Variants in PALS1 observed in about 807,000 individuals in gnomAD.
The protein encoded by PALS1 is protein PALS1.
PALS1 carries 31 observed loss-of-function variants against 78.9 expected under a neutral mutation model. The observed-to-expected ratio is 0.39, with a 90% CI of 0.30 to 0.53. The LOEUF (loss-of-function observed/expected upper bound fraction) is 0.53. PALS1 is among the 20% of genes least tolerant of loss of function. PALS1 has a pLI of 0.67. For missense variants in PALS1, 704 were observed against 826.5 expected (o/e 0.85, Z 1.82); for synonymous variants, 276 against 270.9 (o/e 1.02, Z -0.18).
intron 1 of PALS1, among the ~76,000 whole-genome samples, chr14:67,266,812 A>G (rs10150612): frequency 0.08 from 12,139 of 152,134 alleles, 1,152 homozygotes; most frequent in African/African-American, 0.23. Flanking sequence ...TATCTTTTAA[A>G]AAAACTTCGT....
chr14:67,301,307 C>T, intron 4 of PALS1, 82 bp from the exon 5 acceptor site: 1 of 668,098 alleles, frequency 1.5e-6, no homozygotes, highest in Non-Finnish European at 2.4e-6. Flanking sequence ...TTAATTTGTA[C>T]TTAAAAAATA....
intron 9 of PALS1, among the ~76,000 whole-genome samples, chr14:67,314,445 T>C (rs1884306282): frequency 6.6e-6 from 1 of 152,246 alleles, no homozygotes; most frequent in Admixed American, 6.5e-5. Context: ...ATTTTGTCTA[T>C]ATCAGTCATA....
Position 67,321,275 on chromosome 14 carries a change from TG to T in PALS1, c.1740+17del. ...TCGTACACAGGTAAAGCTAGAACTT[TG>T]TTTTAGGGTTTGAACTTAGAAGGAA... On this transcript the variant is annotated intron_variant, in intron 13 of 14. Coordinates refer to ENST00000261681, the MANE Select transcript of PALS1 (RefSeq NM_022474.4). The T allele has an allele frequency of 6.2e-7, 1 of 1,612,838 alleles. No homozygotes were observed. The highest frequency in any genetic ancestry group is 8.5e-7 in the Non-Finnish European group (1 of 1,178,978).
intron 3 of PALS1, among the ~76,000 whole-genome samples, chr14:67,280,263 T>G (rs564684088): frequency 3.3e-5 from 5 of 152,224 alleles, no homozygotes; most frequent in Admixed American, 1.3e-4. Context: ...ATCATTGAAT[T>G]TACTGCCTGC....
At chr14:67,317,522 G>C (rs2085195499) in intron 11 of PALS1, 43 bp downstream of exon 11, 3 of 1,407,460 alleles carry the variant, frequency 2.1e-6, no homozygotes, top group Non-Finnish European at 3.0e-6. Context: ...TATCTGAAAG[G>C]AGTCTAAACC....
intron 3 of PALS1, among the ~76,000 whole-genome samples, chr14:67,280,850 T>TC (rs1567518312): frequency 0.012 from 1,478 of 119,826 alleles, 15 homozygotes; most frequent in African/African-American, 0.019. Flanking sequence ...CTTCCTTCCT[T>TC]CCTTCCCTCC....
chr14:67,314,106 CAGA>C (rs1360777702), intron 9 of PALS1, among the ~76,000 whole-genome samples: 1 of 151,756 alleles, frequency 6.6e-6, no homozygotes, highest in East Asian at 1.9e-4. Flanking sequence ...CTACTCACAC[CAGA>C]AGATTTTAAG....
intron 9 of PALS1, 52 bp from the exon 10 acceptor site, chr14:67,316,780 C>A: frequency 6.9e-7 from 1 of 1,459,478 alleles, no homozygotes; most frequent in Non-Finnish European, 9.3e-7. Flanking sequence ...AAAAAAAATT[C>A]TTATCCTTTT....
chr14:67,250,561 C>T (rs903556059), intron 1 of PALS1, among the ~76,000 whole-genome samples: 6 of 152,142 alleles, frequency 3.9e-5, no homozygotes, highest in African/African-American at 1.2e-4. Flanking sequence ...TTTTGTGATT[C>T]TGATAGTCAT....
intron 3 of PALS1, among the ~76,000 whole-genome samples, chr14:67,286,005 AGAG>A (rs1386004999): frequency 2.0e-5 from 3 of 152,218 alleles, no homozygotes; most frequent in Non-Finnish European, 2.9e-5. Flanking sequence ...GTGAAATATT[AGAG>A]AAGATGGGAG....
At chr14:67,271,548 A>T (rs1424365481) in intron 2 of PALS1, 1 of 152,248 alleles carries the variant, frequency 6.6e-6, no homozygotes, top group African/African-American at 2.4e-5. Context: ...AGGATTCCAG[A>T]GGACAGTGTA....
chr14:67,283,934 G>T (rs919777014), intron 3 of PALS1, among the ~76,000 whole-genome samples: 3 of 152,116 alleles, frequency 2.0e-5, no homozygotes, highest in African/African-American at 7.2e-5. Context: ...AAATGTATGC[G>T]GTAGCTGCAT....
chr14:67,259,324 G>C (rs556934950), intron 1 of PALS1, among the ~76,000 whole-genome samples: 228 of 152,022 alleles, frequency 1.5e-3, no homozygotes, highest in African/African-American at 5.2e-3. Flanking sequence ...AAGTGAGTAA[G>C]GCCAGGCTGG....
Position 67,317,413 on chromosome 14 carries a change from CTG to C in PALS1, c.1306_1307del (p.Trp436ValfsTer6), listed in dbSNP as rs752242510. 5 of 1,610,320 alleles carry C rather than the reference CTG, an allele frequency of 3.1e-6. No homozygotes were observed. The highest frequency in any genetic ancestry group is 1.1e-5 in the South Asian group (1 of 90,406). On this transcript the variant is annotated frameshift_variant, in exon 11 of 15. Coordinates refer to ENST00000261681, the MANE Select transcript of PALS1 (RefSeq NM_022474.4). LOFTEE classifies it high-confidence loss of function. Reference protein sequence around the residue: ...EDKEPEKSGKLWCAKKNKKKR... With the variant: ...EDKEPEKSGKXWCAKKNKKKR... ...TGTTTATGATTGCTCAACAGGAAAA[CTG>C]TGGTGTGCAAAGAAGAATAAAAAGA... is the stretch of plus-strand genomic sequence containing the variant.
intron 9 of PALS1, among the ~76,000 whole-genome samples, chr14:67,315,609 C>T (rs1289308358): frequency 6.6e-6 from 1 of 152,202 alleles, no homozygotes; most frequent in Non-Finnish European, 1.5e-5. Context: ...AATTTTCCTT[C>T]TAGTAATAGT....
chr14:67,314,151 C>T (rs1250656196), intron 9 of PALS1, among the ~76,000 whole-genome samples: 6 of 151,602 alleles, frequency 4.0e-5, no homozygotes, highest in Non-Finnish European at 5.9e-5. Context: ...CTTAGCCTTA[C>T]ACTGGATTTG....
chr14:67,287,954 G>A (rs1357590693), intron 3 of PALS1, among the ~76,000 whole-genome samples: 1 of 152,190 alleles, frequency 6.6e-6, no homozygotes, highest in African/African-American at 2.4e-5. Context: ...ATTCCCCTGA[G>A]GTTGAAGAGA....
chr14:67,270,580 C>G (rs2084392898), intron 2 of PALS1: 1 of 139,772 alleles, frequency 7.2e-6, no homozygotes, highest in South Asian at 2.3e-4. Flanking sequence ...TCTGAATTGT[C>G]AAAGGACTTT....
intron 3 of PALS1, among the ~76,000 whole-genome samples, chr14:67,286,847 C>T (rs8014104): frequency 0.15 from 20,588 of 141,062 alleles, 2,941 homozygotes; most frequent in East Asian, 0.42. Flanking sequence ...CAGAGTGAGA[C>T]CTGGTCTCAA....
Sources: gnomAD v4.1 joint callset for allele counts (sites outside exome capture counted in the v4.1 genomes callset) on GRCh38, gnomAD v4.1.1 for gene constraint, MANE v1.5 for transcripts, NCBI Gene and HGNC (gene_info 2026-07-23, HGNC 2026-07-21) for gene names.